Variants in CNTN5 observed in about 807,000 individuals in gnomAD.
CNTN5 encodes the protein contactin-5.
In CNTN5, 77 loss-of-function variants were observed where a neutral mutation model predicts 129.1. The ratio of observed to expected loss-of-function variants is 0.60; its 90% CI spans 0.50 to 0.72. The LOEUF (loss-of-function observed/expected upper bound fraction) is 0.72. Ranked by LOEUF, CNTN5 falls within the 30% of genes least tolerant of loss-of-function variation. The pLI, the probability that CNTN5 is intolerant of heterozygous loss-of-function variation, is 0.00. For missense variants in CNTN5, 1,478 were observed against 1,328.8 expected (o/e 1.11, Z -1.75); for synonymous variants, 509 against 465.6 (o/e 1.09, Z -1.20).
intron 13 of CNTN5, among the ~76,000 whole-genome samples, chr11:100,167,739 G>A (rs757776370): frequency 3.3e-5 from 5 of 151,912 alleles, no homozygotes; most frequent in Non-Finnish European, 5.9e-5. Flanking sequence ...TGAAGAATGG[G>A]TGTCAGCTAG....
At chr11:100,002,228 TC>T in intron 9 of CNTN5, 92 bp downstream of exon 9, 1 of 781,152 alleles carries the variant, frequency 1.3e-6, no homozygotes, top group Non-Finnish European at 1.9e-6. Context: ...AGGTGTCATT[TC>T]CCCAGTTGTT....
intron 1 of CNTN5, among the ~76,000 whole-genome samples, chr11:99,237,388 A>T (rs369311090): frequency 1.3e-5 from 2 of 152,162 alleles, no homozygotes; most frequent in East Asian, 1.9e-4. Flanking sequence ...TAGTCATTTA[A>T]TAAGTATTTA....
At chr11:100,065,079 A>G (rs1943646137) in intron 10 of CNTN5, among the ~76,000 whole-genome samples, 1 of 152,146 alleles carries the variant, frequency 6.6e-6, no homozygotes, top group Non-Finnish European at 1.5e-5. Flanking sequence ...CTAGAATTGT[A>G]TCAGTATTAA....
chr11:99,373,507 A>T (rs1412671795), intron 2 of CNTN5, among the ~76,000 whole-genome samples: 1 of 152,082 alleles, frequency 6.6e-6, no homozygotes, highest in East Asian at 1.9e-4. Context: ...TGAGGTCAGG[A>T]GTTAAAGACC....
chr11:99,257,586 T>G (rs1862432286), intron 1 of CNTN5, among the ~76,000 whole-genome samples: 1 of 152,072 alleles, frequency 6.6e-6, no homozygotes, highest in Non-Finnish European at 1.5e-5. Flanking sequence ...ATTCATTTAT[T>G]TTTAATATTG....
intron 6 of CNTN5, among the ~76,000 whole-genome samples, chr11:99,873,254 G>A (rs1244376997): frequency 6.6e-6 from 1 of 151,240 alleles, no homozygotes; most frequent in Non-Finnish European, 1.5e-5. Flanking sequence ...CATTCCTAAA[G>A]TTTGATTTTG....
chr11:99,520,996 A>G (rs1352110396), intron 2 of CNTN5, among the ~76,000 whole-genome samples: 2 of 152,152 alleles, frequency 1.3e-5, no homozygotes, highest in African/African-American at 2.4e-5. Context: ...TAGCTCCTTC[A>G]GATTAATTAT....
intron 2 of CNTN5, among the ~76,000 whole-genome samples, chr11:99,348,164 C>T (rs112904596): frequency 0.046 from 6,992 of 152,094 alleles, 224 homozygotes; most frequent in Admixed American, 0.065. Context: ...ATGGTGAAAC[C>T]GCATCTCTAC....
At chr11:99,414,086 T>C (rs924856) in intron 2 of CNTN5, among the ~76,000 whole-genome samples, 152,225 of 152,332 alleles carry the variant, frequency 1, 76,059 homozygotes, top group Non-Finnish European at 1. Flanking sequence ...TGTTAATTAG[T>C]TGATATTTGA....
At chr11:99,150,219 T>G (rs183961466) in intron 1 of CNTN5, among the ~76,000 whole-genome samples, 33 of 152,184 alleles carry the variant, frequency 2.2e-4, no homozygotes, top group African/African-American at 6.0e-4. Context: ...GACTGTAATT[T>G]TTATTATATT....
intron 13 of CNTN5, among the ~76,000 whole-genome samples, chr11:100,093,169 T>C (rs1012584425): frequency 6.6e-6 from 1 of 152,116 alleles, no homozygotes; most frequent in Non-Finnish European, 1.5e-5. Flanking sequence ...TTCCTTCTGC[T>C]AGTTCAGCCC....
chr11:99,497,972 C>A, intron 2 of CNTN5, among the ~76,000 whole-genome samples: 1 of 152,000 alleles, frequency 6.6e-6, no homozygotes, highest in East Asian at 1.9e-4. Context: ...ACAATTTTTT[C>A]TAGAGTTGAT....
chr11:99,728,422 C>G (rs73552027), intron 3 of CNTN5, among the ~76,000 whole-genome samples: 9,210 of 152,070 alleles, frequency 0.061, 702 homozygotes, highest in African/African-American at 0.18. Flanking sequence ...GTAACAAAGA[C>G]AAGAGTAGCT....
intron 3 of CNTN5, among the ~76,000 whole-genome samples, chr11:99,611,448 CCTT>C (rs1424070213): frequency 6.6e-6 from 1 of 152,104 alleles, no homozygotes; most frequent in Non-Finnish European, 1.5e-5. Context: ...TAATCACAGT[CCTT>C]CTAGTATTTA....
chr11:99,760,301 C>G (rs1046856207), intron 3 of CNTN5, among the ~76,000 whole-genome samples: 12 of 152,066 alleles, frequency 7.9e-5, no homozygotes, highest in Non-Finnish European at 1.5e-4. Context: ...TACGCTAATT[C>G]TGTAGTCCTT....
intron 2 of CNTN5, among the ~76,000 whole-genome samples, chr11:99,389,544 C>G (rs1466549812): frequency 6.6e-6 from 1 of 151,972 alleles, no homozygotes; most frequent in African/African-American, 2.4e-5. Context: ...ATACTTTTTC[C>G]CTTTATAGAT....
At chr11:99,127,844 T>G (rs1046212936) in intron 1 of CNTN5, among the ~76,000 whole-genome samples, 12 of 152,216 alleles carry the variant, frequency 7.9e-5, no homozygotes, top group Admixed American at 3.3e-4. Context: ...TTATCACATA[T>G]GACAACTATG....
intron 1 of CNTN5, among the ~76,000 whole-genome samples, chr11:99,069,587 GA>G (rs1865250055): frequency 6.6e-6 from 1 of 152,106 alleles, no homozygotes; most frequent in Non-Finnish European, 1.5e-5. Context: ...TAAGCTTCTA[GA>G]GGGCAAGTAC....
chr11:99,556,587 A>ATATATATG (rs1948678850), intron 3 of CNTN5, among the ~76,000 whole-genome samples: 3 of 135,572 alleles, frequency 2.2e-5, no homozygotes, highest in African/African-American at 5.5e-5. Flanking sequence ...ATATATATAT[A>ATATATATG]TATATATCTC....
Sources: allele counts gnomAD v4.1 joint callset (sites outside exome capture counted in the v4.1 genomes callset), GRCh38; gene constraint gnomAD v4.1.1; transcripts MANE v1.5; gene names NCBI Gene and HGNC (gene_info 2026-07-23, HGNC 2026-07-21).